ZNRF1: variants seen among roughly 807,000 people sequenced by gnomAD.
ZNRF1 encodes the protein E3 ubiquitin-protein ligase ZNRF1.
A neutral mutation model predicts 18.4 loss-of-function variants in ZNRF1; 3 were observed. The observed-to-expected ratio is 0.16, with a 90% CI of 0.07 to 0.42. The LOEUF (loss-of-function observed/expected upper bound fraction) is 0.42, where lower values mean the gene tolerates loss of function less well. Among genes scored for constraint, ZNRF1 ranks in the 10% least tolerant of loss-of-function variants. ZNRF1 has a pLI of 0.99. For synonymous variants in ZNRF1, 157 were observed against 144.2 expected (o/e 1.09, Z -0.64); for missense variants, 310 against 329.8 (o/e 0.94, Z 0.47).
chr16:75,089,790 A>T (rs1420011073), intron 1 of ZNRF1, among the ~76,000 whole-genome samples: 1 of 152,082 alleles, frequency 6.6e-6, no homozygotes, highest in Non-Finnish European at 1.5e-5. Context: ...ATTCCCTTGT[A>T]GACCTTCTTG....
intron 1 of ZNRF1, among the ~76,000 whole-genome samples, chr16:75,028,907 T>C (rs1410189896): frequency 6.6e-6 from 1 of 152,196 alleles, no homozygotes; most frequent in Non-Finnish European, 1.5e-5. Context: ...ATTGGTTTTA[T>C]CTCCTTTGCA....
chr16:75,083,057 C>G (rs2036033685), intron 1 of ZNRF1, among the ~76,000 whole-genome samples: 1 of 152,158 alleles, frequency 6.6e-6, no homozygotes, highest in Non-Finnish European at 1.5e-5. Flanking sequence ...TTGTTGGCAG[C>G]TTTTCTTCCC....
At chr16:75,059,229 C>CTT (rs35291578) in intron 1 of ZNRF1, among the ~76,000 whole-genome samples, 441 of 92,930 alleles carry the variant, frequency 4.7e-3, no homozygotes, top group Non-Finnish European at 5.7e-3. Flanking sequence ...TTCTTTCTTT[C>CTT]TTTTTTTTTT....
At chr16:75,091,881 C>T (rs1382684166) in intron 1 of ZNRF1, among the ~76,000 whole-genome samples, 2 of 152,066 alleles carry the variant, frequency 1.3e-5, no homozygotes, top group African/African-American at 4.8e-5. Context: ...TACTAATAGC[C>T]TACTGTTAAC....
At chr16:75,053,146 C>T (rs1173537338) in intron 1 of ZNRF1, among the ~76,000 whole-genome samples, 2 of 152,164 alleles carry the variant, frequency 1.3e-5, no homozygotes, top group Non-Finnish European at 2.9e-5. Context: ...CTTTATCTCA[C>T]TTCCCACCCC....
chr16:75,004,970 A>G (rs941544412), intron 1 of ZNRF1, among the ~76,000 whole-genome samples: 2 of 152,072 alleles, frequency 1.3e-5, no homozygotes, highest in Non-Finnish European at 2.9e-5. Flanking sequence ...CTTGGGCTCT[A>G]TTTTGCTGCC....
chr16:75,039,496 G>T (rs1597873567), intron 1 of ZNRF1, among the ~76,000 whole-genome samples: 1 of 152,190 alleles, frequency 6.6e-6, no homozygotes, highest in Non-Finnish European at 1.5e-5. Flanking sequence ...TGGTATACGA[G>T]AGTGTTGTAG....
At chr16:75,060,017 T>G (rs2035722102) in intron 1 of ZNRF1, among the ~76,000 whole-genome samples, 1 of 152,150 alleles carries the variant, frequency 6.6e-6, no homozygotes, top group South Asian at 2.1e-4. Flanking sequence ...CCAGGAGCAC[T>G]TGGACTTGCC....
intron 1 of ZNRF1, among the ~76,000 whole-genome samples, chr16:75,073,701 G>A (rs915564745): frequency 6.6e-5 from 10 of 152,054 alleles, no homozygotes; most frequent in African/African-American, 2.4e-4. Flanking sequence ...TGTGGCTGCT[G>A]CATAGTATTC....
rs117559266 is a variant in ZNRF1, at chr16:75,031,423, C to T, written c.424+31328C>T. 1.3e-4 allele frequency among the ~76,000 whole-genome samples: 20 copies of T among 152,226 alleles called. No individual in the cohort carries two copies. The East Asian group carries it at 2.7e-3, about 21-fold the overall frequency. On this transcript the variant is annotated intron_variant, in intron 1 of 4. Transcript: ENST00000335325. Reference sequence around the variant, plus strand: ...GGGATTACAGGGGAGCCACCGTGCCCGGCCATGTCCAAATTTTTGTGTAGA... The same window carrying T: ...GGGATTACAGGGGAGCCACCGTGCCTGGCCATGTCCAAATTTTTGTGTAGA...
chr16:75,081,570 C>A (rs1023189396), intron 1 of ZNRF1, among the ~76,000 whole-genome samples: 13 of 152,288 alleles, frequency 8.5e-5, no homozygotes, highest in African/African-American at 3.1e-4. Flanking sequence ...ATTGCCCAAA[C>A]GCTAGAAGTC....
At chr16:75,086,501 A>G (rs2036075683) in intron 1 of ZNRF1, among the ~76,000 whole-genome samples, 1 of 152,206 alleles carries the variant, frequency 6.6e-6, no homozygotes, top group African/African-American at 2.4e-5. Flanking sequence ...AGCAACTGAT[A>G]AATTGTGCCA....
chr16:75,081,396 C>G (rs1316987546), intron 1 of ZNRF1, among the ~76,000 whole-genome samples: 1 of 152,224 alleles, frequency 6.6e-6, no homozygotes, highest in Non-Finnish European at 1.5e-5. Flanking sequence ...AGACAGCCCA[C>G]AAATCCCTTG....
At chr16:75,103,466 A>C (rs1401620507) in intron 2 of ZNRF1, among the ~76,000 whole-genome samples, 2 of 151,772 alleles carry the variant, frequency 1.3e-5, no homozygotes, top group Non-Finnish European at 2.9e-5. Context: ...AAATACTCAA[A>C]CTCATAGAAG....
intron 1 of ZNRF1, among the ~76,000 whole-genome samples, chr16:75,092,784 G>C (rs1185239026): frequency 6.6e-6 from 1 of 152,190 alleles, no homozygotes; most frequent in Non-Finnish European, 1.5e-5. Context: ...GTGAGGGAGA[G>C]AGTTGCTACC....
chr16:75,084,930 T>TTTC (rs1326649248), intron 1 of ZNRF1, among the ~76,000 whole-genome samples: 1 of 152,232 alleles, frequency 6.6e-6, no homozygotes, highest in Non-Finnish European at 1.5e-5. Flanking sequence ...TGCATCTTTG[T>TTTC]TTCTGTTCAT....
At chr16:75,080,526 C>T (rs936083170) in intron 1 of ZNRF1, among the ~76,000 whole-genome samples, 4 of 152,180 alleles carry the variant, frequency 2.6e-5, no homozygotes, top group Admixed American at 2.0e-4. Context: ...GTAGGGTAGA[C>T]AGTGCCTTTA....
intron 1 of ZNRF1, among the ~76,000 whole-genome samples, chr16:75,006,726 G>A (rs750169353): frequency 1.1e-4 from 17 of 152,186 alleles, no homozygotes; most frequent in Non-Finnish European, 1.8e-4. Context: ...ATGAGCTACC[G>A]TGCCTGGCCA....
At chr16:75,095,781 C>T (rs1302834789) in intron 2 of ZNRF1, 1 of 1,476,914 alleles carries the variant, frequency 6.8e-7, no homozygotes. Flanking sequence ...TGCCAGAGAA[C>T]TGCCTGGGAC....
Sources: allele counts gnomAD v4.1 joint callset (sites outside exome capture counted in the v4.1 genomes callset), GRCh38; gene constraint gnomAD v4.1.1; transcripts MANE v1.5; gene names NCBI Gene and HGNC (gene_info 2026-07-23, HGNC 2026-07-21).